Variants in ATOX1 observed in about 807,000 individuals in gnomAD.
ATOX1 encodes copper transport protein ATOX1.
ATOX1 carries 4 observed loss-of-function variants against 7.3 expected under a neutral mutation model. The observed-to-expected ratio is 0.55, with a 90% CI of 0.27 to 1.25. The LOEUF is 1.25. Among genes scored for constraint, ATOX1 ranks in the 50% most tolerant of loss-of-function variants. The pLI, the probability that ATOX1 is intolerant of heterozygous loss-of-function variation, is 0.12. For missense variants in ATOX1, 68 were observed against 81.6 expected (o/e 0.83, Z 0.64); for synonymous variants, 25 against 28.7 (o/e 0.87, Z 0.41).
At chr5:151,752,660 C>T (rs1761967136) in intron 1 of ATOX1, among the ~76,000 whole-genome samples, 1 of 152,058 alleles carries the variant, frequency 6.6e-6, no homozygotes, top group Non-Finnish European at 1.5e-5. Context: ...TTACTTATAC[C>T]AATACTTTAT....
At chr5:151,753,017 G>A (rs1440207264) in intron 1 of ATOX1, among the ~76,000 whole-genome samples, 1 of 152,160 alleles carries the variant, frequency 6.6e-6, no homozygotes, top group African/African-American at 2.4e-5. Context: ...TGTCATAAAG[G>A]ACACTGTGAC....
chr5:151,758,566 C>G lies in ATOX1; in HGVS notation c.-15G>C. 1 of 1,415,232 alleles carries G rather than the reference C, an allele frequency of 7.1e-7. No homozygotes were observed. The highest frequency in any genetic ancestry group is 9.3e-7 in the Non-Finnish European group (1 of 1,078,306). The allele number at this position is 1,415,232 out of a possible 1,614,324, so 87.7% of individuals were successfully genotyped here. A position where few individuals can be genotyped will look rare whatever the true frequency, so the allele number is the denominator to read the frequency against. On this transcript the variant is annotated 5_prime_UTR_variant, in exon 1 of 4. Transcript: ENST00000313115. ...CTCACCGGCATGACTGAGGCAGCGG[C>G]GGTGTGGCGGCGGTGTGGCGGCGGT... is the stretch of plus-strand genomic sequence containing the variant.
chr5:151,744,657 T>C (rs1761859974), intron 3 of ATOX1: 1 of 152,200 alleles, frequency 6.6e-6, no homozygotes, highest in African/African-American at 2.4e-5. Context: ...CCTCCATTCC[T>C]TCTTGTTACA....
At chr5:151,754,307 T>C (rs1349958897) in intron 1 of ATOX1, among the ~76,000 whole-genome samples, 1 of 152,182 alleles carries the variant, frequency 6.6e-6, no homozygotes, top group African/African-American at 2.4e-5. Context: ...GATGCTCTCC[T>C]CTATTAAAAA....
chr5:151,747,426 C>G (rs1313916247), intron 2 of ATOX1, among the ~76,000 whole-genome samples: 1 of 151,214 alleles, frequency 6.6e-6, no homozygotes, highest in African/African-American at 2.4e-5. Flanking sequence ...GTTGTGACTA[C>G]AGGCACATGC....
At chr5:151,751,933 C>T (rs1047581656) in intron 1 of ATOX1, 154 bp from the exon 2 acceptor site, 4 of 662,544 alleles carry the variant, frequency 6.0e-6, no homozygotes, top group South Asian at 1.9e-5. Flanking sequence ...TTTCTGAGCC[C>T]GTCTCTTCAA....
chr5:151,751,612 G>A, intron 2 of ATOX1, 92 bp downstream of exon 2: 5 of 1,356,368 alleles, frequency 3.7e-6, no homozygotes, highest in Non-Finnish European at 4.1e-6. Flanking sequence ...TAGTTTTACT[G>A]TTATGATCAG....
rs1761959517 is a variant in ATOX1 at position 151,752,225 on chromosome 5, T to G, written c.7-446A>C. On this transcript the variant is annotated intron_variant, in intron 1 of 3. Transcript: ENST00000313115. ...AATTATTTTCTGCACTAGAGTCACCTACAGCTTGCAAAAACTACAGGTTCT... is the reference window on the plus strand; with the variant it reads ...AATTATTTTCTGCACTAGAGTCACCGACAGCTTGCAAAAACTACAGGTTCT... 3 of 702,594 alleles carry G rather than the reference T, an allele frequency of 4.3e-6. No individual in the cohort carries two copies. The South Asian group carries it at 4.4e-5, about 10-fold the overall frequency. 43.5% of individuals were successfully genotyped at this position (702,594 alleles called of 1,614,324 possible).
chr5:151,745,854 AAAGGCT>A (rs1761874290), intron 3 of ATOX1: 1 of 153,426 alleles, frequency 6.5e-6, no homozygotes, highest in African/African-American at 2.4e-5. Flanking sequence ...CCCAGGAGTT[AAAGGCT>A]ATAGTGCACT....
At chr5:151,756,428 C>CTTCT (rs151169290) in intron 1 of ATOX1, among the ~76,000 whole-genome samples, 14,538 of 150,600 alleles carry the variant, frequency 0.097, 949 homozygotes, top group Non-Finnish European at 0.15. Context: ...CTTCTCTTCT[C>CTTCT]TTCTTTCTTT....
At chr5:151,751,894 T>C in intron 1 of ATOX1, 115 bp from the exon 2 acceptor site, 1 of 1,040,726 alleles carries the variant, frequency 9.6e-7, no homozygotes, top group Non-Finnish European at 1.4e-6. Flanking sequence ...GGGCAGGACC[T>C]GGTTGGCATC....
At chr5:151,753,430 A>G (rs561797163) in intron 1 of ATOX1, among the ~76,000 whole-genome samples, 1 of 152,352 alleles carries the variant, frequency 6.6e-6, no homozygotes, top group African/African-American at 2.4e-5. Context: ...CCGTTGGGTA[A>G]AAGGTTAGCT....
intron 1 of ATOX1, among the ~76,000 whole-genome samples, chr5:151,757,060 GAA>G (rs1161044411): frequency 1.3e-5 from 2 of 152,150 alleles, no homozygotes; most frequent in Admixed American, 6.5e-5. Flanking sequence ...ATTTGTCTGA[GAA>G]AACTCTCAGG....
intron 1 of ATOX1, among the ~76,000 whole-genome samples, chr5:151,755,521 C>T (rs1448315877): frequency 1.3e-5 from 2 of 152,176 alleles, no homozygotes; most frequent in Non-Finnish European, 2.9e-5. Flanking sequence ...TCAGCAGAAG[C>T]TCTGAAACTA....
At chr5:151,744,558 C>T (rs926442527) in intron 3 of ATOX1, 2 of 151,934 alleles carry the variant, frequency 1.3e-5, no homozygotes, top group Admixed American at 6.6e-5. Flanking sequence ...GTTCGTATGC[C>T]CAGGCCTGGA....
intron 2 of ATOX1, among the ~76,000 whole-genome samples, chr5:151,749,885 C>T (rs768518488): frequency 5.9e-5 from 9 of 152,116 alleles, no homozygotes; most frequent in Non-Finnish European, 1.2e-4. Context: ...TGACTTGCTG[C>T]GGGACTACGG....
chr5:151,756,799 C>A (rs28917175), intron 1 of ATOX1, among the ~76,000 whole-genome samples: 1 of 152,158 alleles, frequency 6.6e-6, no homozygotes. Context: ...TCTAGCCCAC[C>A]TGTCCTACGT....
At chr5:151,752,270 G>A (rs1475771331) in intron 1 of ATOX1, 2 of 702,418 alleles carry the variant, frequency 2.8e-6, no homozygotes, top group Non-Finnish European at 5.2e-6. Context: ...GTCTGGGCTG[G>A]GGAATCTGTT....
At chr5:151,754,584 T>C (rs1311766879) in intron 1 of ATOX1, among the ~76,000 whole-genome samples, 1 of 151,994 alleles carries the variant, frequency 6.6e-6, no homozygotes, top group African/African-American at 2.4e-5. Context: ...CATGGCTCCA[T>C]TTAATTTAAA....
Sources: allele counts gnomAD v4.1 joint callset (sites outside exome capture counted in the v4.1 genomes callset), GRCh38; gene constraint gnomAD v4.1.1; transcripts MANE v1.5; gene names NCBI Gene and HGNC (gene_info 2026-07-23, HGNC 2026-07-21).